Variants in CCDC59 observed in about 807,000 individuals in gnomAD.
The protein encoded by CCDC59 is coiled-coil domain containing 59, also known as thyroid transcription factor 1-associated protein 26.
A neutral mutation model predicts 30.5 loss-of-function variants in CCDC59; 27 were observed. That is an observed-to-expected ratio of 0.89 (90% CI 0.65 to 1.22). The LOEUF (loss-of-function observed/expected upper bound fraction) is 1.22. Among genes scored for constraint, CCDC59 ranks in the 50% most tolerant of loss-of-function variants. The pLI, the probability that CCDC59 is intolerant of heterozygous loss-of-function variation, is 0.00. For synonymous variants in CCDC59, 125 were observed against 100.9 expected (o/e 1.24, Z -1.43); for missense variants, 362 against 284.4 (o/e 1.27, Z -1.96).
At chr12:82,357,347 G>C (rs1447015677) in intron 1 of CCDC59, 78 bp from the exon 2 acceptor site, 10 of 1,247,200 alleles carry the variant, frequency 8.0e-6, no homozygotes, top group Non-Finnish European at 1.0e-5. Flanking sequence ...AATTACAAAT[G>C]AAAACTTTTT....
In CCDC59 at chr12:82,358,286, T is replaced by G. The variant is rs773175589; in HGVS notation, c.91A>C (p.Asn31His). The change falls in exon 1 of 4, where the codon AAT (asparagine) becomes CAT (histidine). Residue 31 changes from asparagine (N) to histidine (H), a missense_variant. Asn to His is a moderately conservative substitution (Grantham distance 68). Transcript: ENST00000256151. The stretch of plus-strand genomic sequence containing the variant: ...GGCCGCCATGTCTTCTGTCTCACAT[T>G]CTTATTCCTGTACCCGACAGTGGAA... ...GVSTVGYRNK[N>H]VRQKTWRPNH... 3.7e-6 allele frequency: 6 copies of G among 1,614,136 alleles called. No individual in the cohort carries two copies. Among genetic ancestry groups the G allele is most frequent in the Non-Finnish European group, 5.1e-6 (6 of 1,180,026 alleles).
At chr12:82,358,623 T>TTGCAGGGACTGC (rs1881286994), upstream of CCDC59, 8 of 1,613,854 alleles carry the variant, frequency 5.0e-6, no homozygotes, top group Middle Eastern at 1.6e-4. Flanking sequence ...GCGTGCCAAG[T>TTGCAGGGACTGC]TGCAGGGACT....
In CCDC59 at chr12:82,353,120, G is replaced by A; in HGVS notation, c.*31C>T. 6.4e-7 allele frequency: 1 copy of A among 1,558,626 alleles called. No individual in the cohort carries two copies. The highest frequency in any genetic ancestry group is 8.7e-7 in the Non-Finnish European group (1 of 1,152,236). ...ATGTCACAGAAGAACCTAATAGGCAGCAGATATTTTAACCTGTAGGAACAA... is the reference window on the plus strand; with the variant it reads ...ATGTCACAGAAGAACCTAATAGGCAACAGATATTTTAACCTGTAGGAACAA... On this transcript the variant is annotated 3_prime_UTR_variant, in exon 4 of 4. Coordinates refer to ENST00000256151, the MANE Select transcript of CCDC59 (RefSeq NM_014167.5).
At chr12:82,358,802 A>C, upstream of CCDC59, 1 of 1,608,350 alleles carries the variant, frequency 6.2e-7, no homozygotes, top group Non-Finnish European at 8.5e-7. Context: ...CGCGCCCCCT[A>C]GTGGAAGCAG....
chr12:82,355,456 T>C (rs1290491007), intron 2 of CCDC59: 1 of 152,212 alleles, frequency 6.6e-6, no homozygotes, highest in African/African-American at 2.4e-5. Flanking sequence ...AAAAATCGTA[T>C]GTTGAAGTTG....
chr12:82,354,415 C>G, intron 3 of CCDC59, 80 bp downstream of exon 3: 1 of 1,085,186 alleles, frequency 9.2e-7, no homozygotes, highest in Non-Finnish European at 1.3e-6. Context: ...TGCCCAGCAC[C>G]AAGAAGCACA....
intron 1 of CCDC59, among the ~76,000 whole-genome samples, chr12:82,357,924 CG>C (rs1433681469): frequency 6.6e-6 from 1 of 152,116 alleles, no homozygotes; most frequent in Non-Finnish European, 1.5e-5. Flanking sequence ...TTACCACATG[CG>C]CAAGAGTTCA....
At position 82,354,521 on chromosome 12, in the gene CCDC59, G is replaced by T; in HGVS notation, c.538C>A (p.Gln180Lys). Residue 180 changes from glutamine to lysine, a missense_variant, in exon 3 of 4, where the codon CAA becomes AAA. By Grantham distance (53) the Gln-to-Lys change is moderately conservative. Coordinates refer to ENST00000256151, the MANE Select transcript of CCDC59 (RefSeq NM_014167.5). ...TGTTTCTTAGCAGCACGTTTGGCTT[G>T]TATCTGTTCATATTCTTCTTGTGCT... The part of the protein sequence containing the change: ...QKAQEEYEQI[Q>K]AKRAAKKQEF... The T allele has an allele frequency of 1.9e-6, 3 of 1,601,226 alleles. No individual in the cohort carries two copies. The highest frequency in any genetic ancestry group is 1.3e-5 in the African/African-American group (1 of 74,650).
chr12:82,356,862 TTAAA>T, intron 2 of CCDC59, 94 bp downstream of exon 2: 1 of 989,398 alleles, frequency 1.0e-6, no homozygotes, highest in South Asian at 2.1e-5. Context: ...CTAAAATGTG[TTAAA>T]TAAGAAAAAA....
At chr12:82,356,375 T>C (rs994094671) in intron 2 of CCDC59, among the ~76,000 whole-genome samples, 1 of 152,182 alleles carries the variant, frequency 6.6e-6, no homozygotes, top group Non-Finnish European at 1.5e-5. Context: ...ACGTACCATA[T>C]ATACCCTTTA....
At position 82,353,126 on chromosome 12, in the gene CCDC59, A is replaced by G. The variant is rs765259086; in HGVS notation, c.*25T>C. ...CAGAAGAACCTAATAGGCAGCAGAT[A>G]TTTTAACCTGTAGGAACAAAATGTT... On this transcript the variant is annotated 3_prime_UTR_variant, in exon 4 of 4. Transcript: ENST00000256151. The G allele has an allele frequency of 3.8e-6, 6 of 1,574,244 alleles. No individual in the cohort carries two copies. In the South Asian group the frequency reaches 7.2e-5, roughly 19 times the overall value.
intron 1 of CCDC59, 103 bp downstream of exon 1, chr12:82,358,120 G>T: frequency 7.4e-7 from 1 of 1,345,600 alleles, no homozygotes; most frequent in Non-Finnish European, 1.0e-6. Flanking sequence ...GCCCCAAGTA[G>T]GACCGGGTCT....
chr12:82,357,403 A>C (rs892813654), intron 1 of CCDC59, 134 bp from the exon 2 acceptor site: 10 of 747,150 alleles, frequency 1.3e-5, no homozygotes, highest in Non-Finnish European at 1.9e-5. Flanking sequence ...TGCTTTAAAA[A>C]ATTATTTCAA....
Position 82,353,298 on chromosome 12 carries a change from TC to T in CCDC59, c.578del (p.Arg193LysfsTer23). ...TTTGGGCTTCTTCTCTCTCCTGTTT[TC>T]TCCTCTCGAATTCCTAAAATTATTA... The part of the protein sequence containing the change: ...RAAKKQEFER[R>X]KQEREEAQRQ... On this transcript the variant is annotated frameshift_variant, in exon 4 of 4. Transcript: ENST00000256151. LOFTEE classifies it high-confidence loss of function. 1 of 1,601,554 alleles carries T rather than the reference TC, an allele frequency of 6.2e-7. No homozygotes were observed. The highest frequency in any genetic ancestry group is 8.5e-7 in the Non-Finnish European group (1 of 1,176,448).
intron 2 of CCDC59, among the ~76,000 whole-genome samples, chr12:82,356,444 G>T (rs1881012867): frequency 6.6e-6 from 1 of 152,128 alleles, no homozygotes; most frequent in African/African-American, 2.4e-5. Flanking sequence ...AACACCTTAG[G>T]AACACCTGAG....
chr12:82,356,812 G>A (rs1881039046), intron 2 of CCDC59, 148 bp downstream of exon 2: 1 of 607,610 alleles, frequency 1.6e-6, no homozygotes, highest in East Asian at 2.9e-5. Context: ...GCTAAAAATA[G>A]AGCCTCCATG....
Position 82,352,839 on chromosome 12 carries a change from T to A in CCDC59, c.*312A>T, listed in dbSNP as rs932657271. On this transcript the variant is annotated 3_prime_UTR_variant, in exon 4 of 4. Coordinates refer to ENST00000256151, the MANE Select transcript of CCDC59 (RefSeq NM_014167.5). ...TGAAATGCTTCATTGATAGCTCTGA[T>A]TCCTTATTTTTAAAAAATTTATTTC... 1 of 180,080 alleles carries A rather than the reference T, an allele frequency of 5.6e-6. No homozygotes were observed. The highest frequency in any genetic ancestry group is 1.2e-5 in the Non-Finnish European group (1 of 86,740). 11.2% of individuals were successfully genotyped at this position (180,080 alleles called of 1,614,324 possible).
intron 1 of CCDC59, among the ~76,000 whole-genome samples, chr12:82,357,622 T>TG (rs1881139099): frequency 6.6e-6 from 1 of 152,162 alleles, no homozygotes; most frequent in African/African-American, 2.4e-5. Flanking sequence ...CAATAAATGC[T>TG]TAAAAAATAG....
At chr12:82,354,365 A>G (rs551829030) in intron 3 of CCDC59, 130 bp downstream of exon 3, 1 of 604,762 alleles carries the variant, frequency 1.7e-6, no homozygotes, top group African/African-American at 1.9e-5. Flanking sequence ...TGCTCAGACT[A>G]CTCATTCATT....
Sources: gnomAD v4.1 joint callset for allele counts (sites outside exome capture counted in the v4.1 genomes callset) on GRCh38, gnomAD v4.1.1 for gene constraint, MANE v1.5 for transcripts, NCBI Gene and HGNC (gene_info 2026-07-23, HGNC 2026-07-21) for gene names.